Variants in FGF12 observed in about 807,000 individuals in gnomAD.
FGF12 encodes the protein fibroblast growth factor 12B.
In FGF12, 14 loss-of-function variants were observed where a neutral mutation model predicts 23.6. The observed-to-expected ratio is 0.59, with a 90% CI of 0.39 to 0.93. The LOEUF is 0.93. Among genes scored for constraint, FGF12 ranks in the 40% least tolerant of loss-of-function variants. The pLI is 0.00. For missense variants in FGF12, 175 were observed against 217.8 expected (o/e 0.80, Z 1.24); for synonymous variants, 62 against 77.3 (o/e 0.80, Z 1.04).
chr3:192,439,935 C>G (rs1722152494), intron 2 of FGF12, among the ~76,000 whole-genome samples: 1 of 148,702 alleles, frequency 6.7e-6, no homozygotes, highest in South Asian at 2.1e-4. Context: ...GAGATCGCGC[C>G]ACTGCATTCC....
At position 192,336,352 on chromosome 3, in the gene FGF12, A is replaced by C. The variant is rs963162975; in HGVS notation, c.125-888T>G. On this transcript the variant is annotated intron_variant, in intron 3 of 5. Transcript: ENST00000445105. This position sits in a 1 kb window ranked among gnomAD's most constrained non-coding sequence, Gnocchi z 4.3. ...GTCTATATGTCCACTTAGAGAAGGA[A>C]TTCGTAGATCAGAAAAAAAGATACC... is the stretch of plus-strand genomic sequence containing the variant. Among the ~76,000 whole-genome samples the C allele has an allele frequency of 6.6e-6, 1 of 152,084 alleles. No individual in the cohort carries two copies. The highest frequency in any genetic ancestry group is 1.5e-5 in the Non-Finnish European group (1 of 68,008).
At chr3:192,350,882 T>G (rs1718188857) in intron 3 of FGF12, among the ~76,000 whole-genome samples, 1 of 152,178 alleles carries the variant, frequency 6.6e-6, no homozygotes, top group Non-Finnish European at 1.5e-5. Flanking sequence ...GGCTGCTGTG[T>G]GGAAAATAGG....
chr3:192,525,043 C>T (rs1170857184), intron 2 of FGF12, among the ~76,000 whole-genome samples: 4 of 152,076 alleles, frequency 2.6e-5, no homozygotes, highest in Admixed American at 6.6e-5. Flanking sequence ...ATTTTTCTCT[C>T]GGTTTTCCTT....
At chr3:192,642,834 G>A (rs180807524) in intron 2 of FGF12, among the ~76,000 whole-genome samples, 1 of 152,252 alleles carries the variant, frequency 6.6e-6, no homozygotes, top group South Asian at 2.1e-4. Flanking sequence ...GCACATCACT[G>A]CTCTTTGACG....
chr3:192,617,630 G>A (rs1036038015), intron 2 of FGF12, among the ~76,000 whole-genome samples: 4 of 152,076 alleles, frequency 2.6e-5, no homozygotes, highest in African/African-American at 9.7e-5. Flanking sequence ...CCAACCTGAG[G>A]CTCTTATTAA....
At chr3:192,697,954 G>T (rs1387715330) in intron 2 of FGF12, among the ~76,000 whole-genome samples, 1 of 150,212 alleles carries the variant, frequency 6.7e-6, no homozygotes. Context: ...AAATTAATCC[G>T]CTAATGTCTC....
At chr3:192,640,163 A>G (rs983759689) in intron 2 of FGF12, among the ~76,000 whole-genome samples, 1 of 152,078 alleles carries the variant, frequency 6.6e-6, no homozygotes, top group Non-Finnish European at 1.5e-5. Flanking sequence ...ACAGCTAATA[A>G]ATGTGTGCTG....
chr3:192,479,034 G>T (rs975703910), intron 2 of FGF12, among the ~76,000 whole-genome samples: 3 of 152,224 alleles, frequency 2.0e-5, no homozygotes, highest in Non-Finnish European at 4.4e-5. Context: ...GAGGCATGCT[G>T]TTTGAAAAAC....
chr3:192,276,086 A>T (rs13322272), intron 4 of FGF12, among the ~76,000 whole-genome samples: 4 of 152,068 alleles, frequency 2.6e-5, no homozygotes, highest in East Asian at 3.9e-4. Context: ...CGATTCATTA[A>T]GAATCATCAA....
chr3:192,582,379 T>C (rs1228356156), intron 2 of FGF12, among the ~76,000 whole-genome samples: 2 of 152,172 alleles, frequency 1.3e-5, no homozygotes, highest in Non-Finnish European at 2.9e-5. Flanking sequence ...AGTTTGTATC[T>C]TTATCACGTT....
intron 2 of FGF12, among the ~76,000 whole-genome samples, chr3:192,364,596 G>A (rs569883662): frequency 6.6e-6 from 1 of 151,322 alleles, no homozygotes; most frequent in African/African-American, 2.4e-5. Context: ...TCAGGCCAAG[G>A]TTTTTAAAAG....
chr3:192,502,636 C>T lies in FGF12; in HGVS notation c.14-142098G>A, dbSNP rs141144055. Among the ~76,000 whole-genome samples, 73 of 151,990 alleles carry T rather than the reference C, an allele frequency of 4.8e-4. 1 individual carries two copies. Among genetic ancestry groups the T allele is most frequent in the Middle Eastern group, 6.8e-3 (2 of 294 alleles). On this transcript the variant is annotated intron_variant, in intron 2 of 5. Transcript: ENST00000445105. The stretch of plus-strand genomic sequence containing the variant: ...TAACTACTGTGATTACTTTTCTGTA[C>T]CAGGAGTGGCCAGACCATGCCCTGT...
chr3:192,673,634 T>C (rs1157192119), intron 2 of FGF12, among the ~76,000 whole-genome samples: 1 of 151,042 alleles, frequency 6.6e-6, no homozygotes, highest in Non-Finnish European at 1.5e-5. Flanking sequence ...TGAGAACATG[T>C]GATGTTTGGC....
rs1202140579 is a variant in FGF12 at position 192,562,877 on chromosome 3, C to T, written c.13+164304G>A. The stretch of plus-strand genomic sequence containing the variant: ...CAAACAATTATCTCTCTTATTCACA[C>T]TGTCATTGTTCATCCTGAACGTTCT... On this transcript the variant is annotated intron_variant, in intron 2 of 5. Coordinates refer to ENST00000445105, the MANE Select transcript of FGF12 (RefSeq NM_004113.6). 3.3e-5 allele frequency among the ~76,000 whole-genome samples: 5 copies of T among 152,226 alleles called. No homozygotes were observed. In the East Asian group the frequency reaches 9.7e-4, roughly 29 times the overall value.
At chr3:192,548,910 T>C (rs1217249365) in intron 2 of FGF12, among the ~76,000 whole-genome samples, 1 of 152,162 alleles carries the variant, frequency 6.6e-6, no homozygotes, top group Non-Finnish European at 1.5e-5. Flanking sequence ...CATTGCAATA[T>C]AACCCTGTCT....
intron 2 of FGF12, among the ~76,000 whole-genome samples, chr3:192,621,707 A>AG (rs1479069710): frequency 6.7e-6 from 1 of 150,350 alleles, no homozygotes; most frequent in East Asian, 1.9e-4. Context: ...AAAAAAAAAA[A>AG]AAAGGAACAT....
intron 2 of FGF12, among the ~76,000 whole-genome samples, chr3:192,611,502 T>C (rs1468580308): frequency 6.6e-6 from 1 of 152,036 alleles, no homozygotes; most frequent in Non-Finnish European, 1.5e-5. Flanking sequence ...TAAGGATATC[T>C]GAAGCTGTAT....
At chr3:192,311,927 G>A (rs201623006) in intron 4 of FGF12, among the ~76,000 whole-genome samples, 2,130 of 145,472 alleles carry the variant, frequency 0.015, 80 homozygotes, top group African/African-American at 0.053. Flanking sequence ...TTGACTGTCT[G>A]TCTATCTATC....
At chr3:192,605,750 C>T (rs978094654) in intron 2 of FGF12, among the ~76,000 whole-genome samples, 1 of 152,060 alleles carries the variant, frequency 6.6e-6, no homozygotes, top group Non-Finnish European at 1.5e-5. Context: ...ATACAAGCAG[C>T]TAACAAACAT....
Sources: allele counts gnomAD v4.1 joint callset (sites outside exome capture counted in the v4.1 genomes callset), GRCh38; gene constraint gnomAD v4.1.1; non-coding constraint Gnocchi (gnomAD v3.1); transcripts MANE v1.5; gene names NCBI Gene and HGNC (gene_info 2026-07-23, HGNC 2026-07-21).